The following KIAA0513 variants were observed in gnomAD, a reference collection of about 807,000 sequenced individuals.
KIAA0513 encodes uncharacterized protein KIAA0513.
KIAA0513 carries 39 observed loss-of-function variants against 56.5 expected under a neutral mutation model. The observed-to-expected ratio is 0.69, with a 90% confidence interval of 0.53 to 0.90. The LOEUF is 0.90. KIAA0513 is among the 40% of genes least tolerant of loss of function. KIAA0513 has a pLI of 0.00. For missense variants in KIAA0513, 591 were observed against 535.2 expected (o/e 1.10, Z -1.03); for synonymous variants, 268 against 215.6 (o/e 1.24, Z -2.13).
intron 1 of KIAA0513, among the ~76,000 whole-genome samples, chr16:85,046,134 G>A (rs1009902812): frequency 6.6e-6 from 1 of 152,200 alleles, no homozygotes; most frequent in Admixed American, 6.5e-5. Context: ...GGCTGTTTGA[G>A]CTTTATATAG....
chr16:85,077,697 G>C, intron 6 of KIAA0513, 65 bp downstream of exon 6: 2 of 1,277,078 alleles, frequency 1.6e-6, no homozygotes, highest in Non-Finnish European at 2.2e-6. Context: ...GTGGAGCTCG[G>C]ACGGGGGCAG....
At chr16:85,060,472 C>T (rs747330148) in intron 1 of KIAA0513, among the ~76,000 whole-genome samples, 12 of 152,138 alleles carry the variant, frequency 7.9e-5, no homozygotes, top group Non-Finnish European at 1.3e-4. Flanking sequence ...GCACCCTTCA[C>T]GGACAGCAGG....
intron 2 of KIAA0513, among the ~76,000 whole-genome samples, chr16:85,069,676 G>A (rs1206191319): frequency 6.6e-6 from 1 of 152,006 alleles, no homozygotes; most frequent in African/African-American, 2.4e-5. Context: ...AGATAAGGAT[G>A]GTCTTGCTGC....
intron 2 of KIAA0513, 40 bp downstream of exon 2, chr16:85,067,440 C>T: frequency 6.6e-7 from 1 of 1,520,232 alleles, no homozygotes; most frequent in Non-Finnish European, 8.9e-7. Context: ...GGTGTGGCCA[C>T]AGGGCCCAAG....
intron 1 of KIAA0513, among the ~76,000 whole-genome samples, chr16:85,051,292 T>G (rs1281131981): frequency 6.6e-6 from 1 of 152,224 alleles, no homozygotes; most frequent in Non-Finnish European, 1.5e-5. Context: ...CTGTGAACTG[T>G]GAACCAAATT....
At chr16:85,049,705 T>C (rs149223463) in intron 1 of KIAA0513, among the ~76,000 whole-genome samples, 23 of 152,310 alleles carry the variant, frequency 1.5e-4, no homozygotes, top group Non-Finnish European at 3.1e-4. Flanking sequence ...GTCAAGCGGA[T>C]GCCAGCATCA....
chr16:85,038,045 G>T (rs1186278603), intron 1 of KIAA0513, among the ~76,000 whole-genome samples: 1 of 152,176 alleles, frequency 6.6e-6, no homozygotes, highest in Non-Finnish European at 1.5e-5. Flanking sequence ...GTTGCTCCTG[G>T]GATGTATTCC....
intron 1 of KIAA0513, among the ~76,000 whole-genome samples, chr16:85,032,908 G>T (rs2072985255): frequency 6.6e-6 from 1 of 152,098 alleles, no homozygotes; most frequent in South Asian, 2.1e-4. Flanking sequence ...GGGATTACAG[G>T]CATAGAGACC....
At chr16:85,045,246 G>A (rs77882461) in intron 1 of KIAA0513, among the ~76,000 whole-genome samples, 3 of 152,178 alleles carry the variant, frequency 2.0e-5, no homozygotes, top group African/African-American at 7.2e-5. Context: ...CGGGAGGCTG[G>A]GGCTACCACA....
chr16:85,049,171 G>T (rs2073212983), intron 1 of KIAA0513, among the ~76,000 whole-genome samples: 1 of 152,258 alleles, frequency 6.6e-6, no homozygotes, highest in African/African-American at 2.4e-5. Flanking sequence ...AGAGATGGCA[G>T]GTGTCACGGG....
chr16:85,060,183 ACTC>A (rs763760822), intron 1 of KIAA0513, among the ~76,000 whole-genome samples: 1 of 151,906 alleles, frequency 6.6e-6, no homozygotes, highest in Non-Finnish European at 1.5e-5. Context: ...CTGGTCTTGA[ACTC>A]CTGACCTCAG....
At chr16:85,063,940 C>T (rs1025270227) in intron 1 of KIAA0513, among the ~76,000 whole-genome samples, 1 of 151,666 alleles carries the variant, frequency 6.6e-6, no homozygotes, top group Non-Finnish European at 1.5e-5. Flanking sequence ...TGAATTGTAT[C>T]ATACACTGAT....
chr16:85,061,906 C>T (rs2073410818), intron 1 of KIAA0513, among the ~76,000 whole-genome samples: 1 of 152,158 alleles, frequency 6.6e-6, no homozygotes, highest in Non-Finnish European at 1.5e-5. Flanking sequence ...TGAGCGGTGG[C>T]TCCCCGGCCT....
chr16:85,055,216 C>G (rs996057293), intron 1 of KIAA0513, among the ~76,000 whole-genome samples: 2 of 152,036 alleles, frequency 1.3e-5, no homozygotes, highest in Non-Finnish European at 2.9e-5. Context: ...GAGCCACCGC[C>G]CCCAGCCTCT....
chr16:85,090,740 C>G lies in KIAA0513; in HGVS notation c.*2415C>G, dbSNP rs2073859652. ...ACACAGGATGCCGGAGAGACAGCCC[C>G]TTGTGCTGTGAGCAGAGCAGGCAGT... On this transcript the variant is annotated 3_prime_UTR_variant, in exon 13 of 13. Transcript: ENST00000683363. 6.6e-6 allele frequency: 1 copy of G among 152,308 alleles called. No homozygotes were observed. Among genetic ancestry groups the G allele is most frequent in the Non-Finnish European group, 1.5e-5 (1 of 68,096 alleles). The allele number at this position is 152,308 out of a possible 1,614,324, so 9.4% of individuals were successfully genotyped here. A position where few individuals can be genotyped will look rare whatever the true frequency, so the allele number is the denominator to read the frequency against.
rs117959674 is a variant in KIAA0513 at position 85,042,432 on chromosome 16, G to C, written c.-173+14574G>C. ...ATTCATCCCCCAGATGAGCAAATAG[G>C]GGGCAGGGTCCTTGTCCATACCCGC... is the stretch of plus-strand genomic sequence containing the variant. On this transcript the variant is annotated intron_variant, in intron 1 of 12. Coordinates refer to ENST00000683363, the MANE Select transcript of KIAA0513 (RefSeq NM_001388359.1). Among the ~76,000 whole-genome samples, 103 of 152,276 alleles carry C rather than the reference G, an allele frequency of 6.8e-4. No individual in the cohort carries two copies. In the East Asian group the frequency reaches 0.019, roughly 27 times the overall value.
At chr16:85,059,053 G>C (rs1379013275) in intron 1 of KIAA0513, among the ~76,000 whole-genome samples, 1 of 152,232 alleles carries the variant, frequency 6.6e-6, no homozygotes, top group Non-Finnish European at 1.5e-5. Context: ...ATTGGATTTA[G>C]ACACACACAT....
chr16:85,067,537 C>A, intron 2 of KIAA0513, 137 bp downstream of exon 2: 1 of 681,718 alleles, frequency 1.5e-6, no homozygotes, highest in Non-Finnish European at 2.4e-6. Context: ...CCAGGGGTGG[C>A]GACTGCAGGG....
chr16:85,064,609 C>T (rs935201381), intron 1 of KIAA0513, among the ~76,000 whole-genome samples: 2 of 152,128 alleles, frequency 1.3e-5, no homozygotes, highest in African/African-American at 4.8e-5. Context: ...TGGGATGGTA[C>T]CTTGTGGCTT....
Sources: allele counts gnomAD v4.1 joint callset (sites outside exome capture counted in the v4.1 genomes callset), GRCh38; gene constraint gnomAD v4.1.1; transcripts MANE v1.5; gene names NCBI Gene and HGNC (gene_info 2026-07-23, HGNC 2026-07-21).